SHTN1: variants seen among roughly 807,000 people sequenced by gnomAD.
SHTN1 encodes shootin-1.
Under a neutral mutation model 83.1 loss-of-function variants are expected in SHTN1, and 42 were observed. That is an observed-to-expected ratio of 0.51 (90% CI 0.39 to 0.65). The LOEUF is 0.65. SHTN1 is among the 30% of genes least tolerant of loss of function. The pLI is 0.00. For missense variants in SHTN1, 622 were observed against 737.8 expected, an observed-to-expected ratio of 0.84 and a Z score of 1.82; for synonymous variants, 224 against 247.7, an observed-to-expected ratio of 0.90 and a Z score of 0.90.
chr10:117,079,023 A>T (rs905606631), intron 1 of SHTN1, among the ~76,000 whole-genome samples: 59 of 151,644 alleles, frequency 3.9e-4, no homozygotes, highest in Admixed American at 2.5e-3. Flanking sequence ...AGATTTGTGA[A>T]TTTTTTTTAT....
intron 1 of SHTN1, among the ~76,000 whole-genome samples, chr10:117,056,085 C>T (rs1852823226): frequency 6.6e-6 from 1 of 152,044 alleles, no homozygotes; most frequent in Admixed American, 6.6e-5. Context: ...TAATTAAAAA[C>T]CTGAAAAAGA....
At chr10:116,971,636 A>G (rs1218432707) in intron 2 of SHTN1, among the ~76,000 whole-genome samples, 1 of 152,208 alleles carries the variant, frequency 6.6e-6, no homozygotes, top group African/African-American at 2.4e-5. Flanking sequence ...AGGCACAAAA[A>G]GAAACCTAGT....
chr10:117,076,404 TAGG>T (rs1421227117), intron 1 of SHTN1, among the ~76,000 whole-genome samples: 3 of 152,140 alleles, frequency 2.0e-5, no homozygotes, highest in Non-Finnish European at 2.9e-5. Context: ...CTCTCTTTCT[TAGG>T]AGTTCATTGC....
chr10:116,933,698 A>G (rs1233625365), intron 9 of SHTN1, among the ~76,000 whole-genome samples: 2 of 152,132 alleles, frequency 1.3e-5, no homozygotes, highest in African/African-American at 4.8e-5. Context: ...TGGGATTGCT[A>G]GGTCAAATGG....
chr10:117,037,625 G>A lies in SHTN1; in HGVS notation c.-123+10820C>T, dbSNP rs555482157. Among the ~76,000 whole-genome samples, 15 of 152,242 alleles carry A rather than the reference G, an allele frequency of 9.9e-5. No individual in the cohort carries two copies. In the South Asian group the frequency reaches 3.1e-3, roughly 32 times the overall value. ...ATATTGAAGGATAAGAACGCAGTTG[G>A]AAGACTGACACTACCCAGCTTTAAA... On this transcript the variant is annotated intron_variant, in intron 2 of 17. Transcript: ENST00000392901.
chr10:116,962,801 A>AT (rs1169251492), intron 3 of SHTN1, among the ~76,000 whole-genome samples: 2 of 152,002 alleles, frequency 1.3e-5, no homozygotes, highest in Non-Finnish European at 2.9e-5. Flanking sequence ...AACAGTAGAC[A>AT]TTTTTTTAAA....
chr10:116,986,716 C>CTTTTT (rs869306412), intron 1 of SHTN1, among the ~76,000 whole-genome samples: 1 of 75,884 alleles, frequency 1.3e-5, no homozygotes. Context: ...ACCCAGTATC[C>CTTTTT]TTTTTTTTTT....
At chr10:116,931,393 C>T (rs1261948483) in intron 9 of SHTN1, among the ~76,000 whole-genome samples, 3 of 152,036 alleles carry the variant, frequency 2.0e-5, no homozygotes, top group Non-Finnish European at 2.9e-5. Context: ...GGGCTACAGG[C>T]ACATGTCACC....
chr10:116,901,304 A>G, intron 16 of SHTN1: 1 of 985,354 alleles, frequency 1.0e-6, no homozygotes, highest in Non-Finnish European at 1.2e-6. Flanking sequence ...GTATGTTTTC[A>G]TTTTCAGGAT....
At chr10:117,020,777 C>A (rs1400811129) in intron 2 of SHTN1, among the ~76,000 whole-genome samples, 2 of 151,792 alleles carry the variant, frequency 1.3e-5, no homozygotes, top group Non-Finnish European at 2.9e-5. Flanking sequence ...AGACAAGATA[C>A]AAAAGCAACA....
chr10:116,886,231 A>G lies in SHTN1; in HGVS notation c.*113T>C. On this transcript the variant is annotated 3_prime_UTR_variant, in exon 17 of 17. Coordinates refer to ENST00000355371, the MANE Select transcript of SHTN1 (RefSeq NM_001127211.3). ...AAAGTGACACCAGAAAAGAACCTGT[A>G]TTCTGAATACAGTGACCAGAGCAGA... The G allele has an allele frequency of 7.0e-7, 1 of 1,420,284 alleles. No individual in the cohort carries two copies. The highest frequency in any genetic ancestry group is 9.5e-7 in the Non-Finnish European group (1 of 1,055,078). The allele number at this position is 1,420,284 out of a possible 1,614,324, so 88.0% of individuals were successfully genotyped here.
chr10:116,934,248 T>A (rs1265220546), intron 9 of SHTN1, among the ~76,000 whole-genome samples: 1 of 152,252 alleles, frequency 6.6e-6, no homozygotes, highest in Non-Finnish European at 1.5e-5. Context: ...CATGCCTATG[T>A]CCTGAATGGT....
chr10:117,053,175 A>C (rs963096793), intron 1 of SHTN1, among the ~76,000 whole-genome samples: 61 of 151,800 alleles, frequency 4.0e-4, no homozygotes, highest in Non-Finnish European at 8.1e-4. Flanking sequence ...AAGAAAGAAT[A>C]GTAATGATCT....
At chr10:117,039,194 T>G (rs574176130) in intron 2 of SHTN1, among the ~76,000 whole-genome samples, 3 of 152,098 alleles carry the variant, frequency 2.0e-5, no homozygotes, top group African/African-American at 7.2e-5. Flanking sequence ...TGAAAAGACA[T>G]GGAGGAAATT....
At chr10:117,059,255 G>A (rs993215763) in intron 1 of SHTN1, among the ~76,000 whole-genome samples, 5 of 152,140 alleles carry the variant, frequency 3.3e-5, no homozygotes, top group African/African-American at 1.2e-4. Context: ...CACATTGCTG[G>A]TGAGAATGTA....
chr10:117,115,157 G>A (rs1025746012), intron 1 of SHTN1, among the ~76,000 whole-genome samples: 2 of 152,154 alleles, frequency 1.3e-5, no homozygotes, highest in African/African-American at 4.8e-5. Flanking sequence ...AAAAATTCGT[G>A]GAACTTTTAA....
chr10:117,066,247 G>A (rs1195714865), intron 1 of SHTN1, among the ~76,000 whole-genome samples: 1 of 152,020 alleles, frequency 6.6e-6, no homozygotes, highest in Non-Finnish European at 1.5e-5. Context: ...ACCAGTCCTA[G>A]AACTGTATCA....
At position 117,003,099 on chromosome 10, in the gene SHTN1, AT is replaced by A. The variant is rs535285697; in HGVS notation, c.58+1922del. Reference sequence around the variant, plus strand: ...GATTATACAAGAAATGAAAGGGAAAATTTTTTTATGTTTATCATTATTCGAA... The same window carrying A: ...GATTATACAAGAAATGAAAGGGAAAATTTTTTATGTTTATCATTATTCGAA... On this transcript the variant is annotated intron_variant, in intron 1 of 16. Transcript: ENST00000355371. Among the ~76,000 whole-genome samples the A allele has an allele frequency of 7.3e-4, 111 of 152,162 alleles. 2 individuals are homozygous for A. The South Asian group carries it at 0.021, about 29-fold the overall frequency.
intron 1 of SHTN1, among the ~76,000 whole-genome samples, chr10:117,097,018 CACACACACATAG>C (rs1302142173): frequency 1.4e-5 from 2 of 138,876 alleles, no homozygotes; most frequent in Admixed American, 7.8e-5. Flanking sequence ...CGCGCGCACA[CACACACACATAG>C]ACACACACAC....
Sources: allele counts gnomAD v4.1 joint callset (sites outside exome capture counted in the v4.1 genomes callset), GRCh38; gene constraint gnomAD v4.1.1; transcripts MANE v1.5; gene names NCBI Gene and HGNC (gene_info 2026-07-23, HGNC 2026-07-21).